The following USP34 variants were observed in gnomAD, a reference collection of about 807,000 sequenced individuals.
USP34 encodes ubiquitin carboxyl-terminal hydrolase 34.
USP34 carries 70 observed loss-of-function variants against 460.3 expected under a neutral mutation model. The observed-to-expected ratio is 0.15, with a 90% CI of 0.13 to 0.19. The LOEUF is 0.19. USP34 is among the 10% of genes least tolerant of loss of function. USP34 has a pLI of 1.00. For synonymous variants in USP34, 1,647 were observed against 1,405.3 expected, an observed-to-expected ratio of 1.17 and a Z score of -3.85; for missense variants, 3,985 against 4,236.2, an observed-to-expected ratio of 0.94 and a Z score of 1.65.
chr2:61,328,245 T>C (rs1469162643), intron 20 of USP34, among the ~76,000 whole-genome samples: 1 of 146,270 alleles, frequency 6.8e-6, no homozygotes, highest in Non-Finnish European at 1.5e-5. Context: ...GAGGTTACAG[T>C]GAGCTGAGAT....
intron 41 of USP34, among the ~76,000 whole-genome samples, chr2:61,275,034 T>G (rs562487746): frequency 2.0e-5 from 3 of 152,248 alleles, no homozygotes; most frequent in African/African-American, 7.2e-5. Flanking sequence ...CCTGGCACAT[T>G]AGGAGGCCAA....
chr2:61,238,370 A>G (rs959033881), intron 53 of USP34, among the ~76,000 whole-genome samples: 1 of 152,094 alleles, frequency 6.6e-6, no homozygotes, highest in African/African-American at 2.4e-5. Flanking sequence ...TCTTCACATG[A>G]TTACCTCTTC....
At chr2:61,315,490 T>C (rs1347066920) in intron 23 of USP34, among the ~76,000 whole-genome samples, 1 of 151,970 alleles carries the variant, frequency 6.6e-6, no homozygotes, top group Admixed American at 6.6e-5. Flanking sequence ...TCTCATGCCT[T>C]AGCCTCCTAA....
Position 61,278,274 on chromosome 2 carries a change from A to G in USP34, c.5324T>C (p.Leu1775Pro). The change falls in exon 41 of 80, where the codon CTT becomes CCT. Residue 1775 changes from leucine (L) to proline (P), a missense_variant. Leu to Pro is a moderately conservative substitution (Grantham distance 98). Around this residue, in one of 14 missense-constraint regions of USP34, gnomAD observed 1,114 missense variants for 1,122.5 expected, o/e 0.99. Coordinates refer to ENST00000398571, the MANE Select transcript of USP34 (RefSeq NM_014709.4). ...LADCIRSREI[L>P]DHQDGNVEDD... is the part of the protein sequence containing the mutation. ...TTCTACATTACCATCCTGATGATCAAGGATCTCCCTACTACAAAAAAGAAA... is the reference window on the plus strand; with the variant it reads ...TTCTACATTACCATCCTGATGATCAGGGATCTCCCTACTACAAAAAAGAAA... 6.2e-7 allele frequency: 1 copy of G among 1,613,696 alleles called. No individual in the cohort carries two copies. Among genetic ancestry groups the G allele is most frequent in the Non-Finnish European group, 8.5e-7 (1 of 1,179,828 alleles).
intron 48 of USP34, chr2:61,250,290 G>GA (rs1300054285): frequency 1.6e-5 from 3 of 184,216 alleles, no homozygotes; most frequent in African/African-American, 7.2e-5. Flanking sequence ...CATTTTGAAA[G>GA]AAAAACCTCA....
rs755265940 is a variant in USP34 at position 61,188,723 on chromosome 2, T to G, written c.10034-14A>C. 2 of 1,605,494 alleles carry G rather than the reference T, an allele frequency of 1.2e-6. No individual in the cohort carries two copies. Among genetic ancestry groups the G allele is most frequent in the East Asian group, 4.5e-5 (2 of 44,800 alleles). On this transcript the variant is annotated splice_polypyrimidine_tract_variant and intron_variant, in intron 79 of 79. Coordinates refer to ENST00000398571, the MANE Select transcript of USP34 (RefSeq NM_014709.4). ...CTCCTTCATCATCTGTGAAAACACATGCCAAAAGGGAAACTTCTCTGAAAG... is the reference window on the plus strand; with the variant it reads ...CTCCTTCATCATCTGTGAAAACACAGGCCAAAAGGGAAACTTCTCTGAAAG...
intron 32 of USP34, 43 bp from the exon 33 acceptor site, chr2:61,293,593 TATAATGCA>T (rs1558513759): frequency 1.4e-6 from 2 of 1,451,696 alleles, no homozygotes; most frequent in Non-Finnish European, 1.9e-6. Context: ...AAAGCAGATA[TATAATGCA>T]ATAATGCTTG....
chr2:61,430,200 G>C (rs1361737644), intron 1 of USP34, among the ~76,000 whole-genome samples: 11 of 147,230 alleles, frequency 7.5e-5, no homozygotes, highest in Admixed American at 1.4e-4. Flanking sequence ...GGGCGACAGA[G>C]CGAGTCTTCG....
chr2:61,468,531 G>C (rs1447746329), intron 1 of USP34, among the ~76,000 whole-genome samples: 1 of 152,188 alleles, frequency 6.6e-6, no homozygotes, highest in Non-Finnish European at 1.5e-5. Context: ...TTGTTTAAGA[G>C]TTAAACTTTT....
Position 61,304,647 on chromosome 2 carries a change from C to T in USP34, c.3818-3193G>A, listed in dbSNP as rs537703621. Among the ~76,000 whole-genome samples, 3 of 152,340 alleles carry T rather than the reference C, an allele frequency of 2.0e-5. No individual in the cohort carries two copies. In the South Asian group the frequency reaches 6.2e-4, roughly 32 times the overall value. The stretch of plus-strand genomic sequence containing the variant: ...TCTATGAGAAAGCTGTCACTTGACA[C>T]TGAATCTGCTGGCACCTTGATCTTG... On this transcript the variant is annotated intron_variant, in intron 27 of 79. Coordinates refer to ENST00000398571, the MANE Select transcript of USP34 (RefSeq NM_014709.4).
chr2:61,414,213 A>T (rs1008082899), intron 2 of USP34, among the ~76,000 whole-genome samples: 17 of 151,860 alleles, frequency 1.1e-4, no homozygotes, highest in African/African-American at 3.9e-4. Flanking sequence ...ATGCCACTGC[A>T]CTCCAGCCTG....
intron 10 of USP34, among the ~76,000 whole-genome samples, chr2:61,356,170 G>A (rs1572963649): frequency 7.6e-6 from 1 of 131,708 alleles, no homozygotes; most frequent in East Asian, 2.2e-4. Flanking sequence ...ATCAACAGAT[G>A]AATGAATTTA....
chr2:61,241,197 C>A (rs1240015763), intron 53 of USP34, among the ~76,000 whole-genome samples: 3 of 152,130 alleles, frequency 2.0e-5, no homozygotes, highest in South Asian at 2.1e-4. Context: ...GCGCCCACCA[C>A]CACGCTCGGC....
intron 1 of USP34, among the ~76,000 whole-genome samples, chr2:61,462,856 T>C (rs1289715560): frequency 8.5e-6 from 1 of 117,084 alleles, no homozygotes; most frequent in Non-Finnish European, 1.8e-5. Context: ...AGGGAAACTG[T>C]TTCCCAAAAA....
At chr2:61,322,556 G>T (rs1690958039) in intron 21 of USP34, among the ~76,000 whole-genome samples, 1 of 152,218 alleles carries the variant, frequency 6.6e-6, no homozygotes, top group Admixed American at 6.5e-5. Flanking sequence ...TCCAAACCCT[G>T]GGGTGGTGCC....
intron 3 of USP34, among the ~76,000 whole-genome samples, chr2:61,398,488 G>C (rs117568028): frequency 1.1e-4 from 13 of 119,392 alleles, no homozygotes; most frequent in Non-Finnish European, 1.6e-4. Flanking sequence ...AGGCGGAAGC[G>C]GGGGAAGGAG....
intron 21 of USP34, 81 bp downstream of exon 21, chr2:61,325,294 G>T: frequency 3.6e-6 from 3 of 829,056 alleles, no homozygotes; most frequent in Non-Finnish European, 3.6e-6. Flanking sequence ...AAAAAAAACT[G>T]CAGAAATCAG....
At chr2:61,318,379 C>G (rs986533544) in intron 22 of USP34, among the ~76,000 whole-genome samples, 10 of 151,950 alleles carry the variant, frequency 6.6e-5, no homozygotes, top group African/African-American at 2.4e-4. Context: ...GGTATAGCTA[C>G]AAGTACAGTT....
rs1695574457 is a variant in USP34 at position 61,460,746 on chromosome 2, A to G, written c.43+9904T>C. The stretch of plus-strand genomic sequence containing the variant: ...ATGCCTGTAATCCCAGTACTTTGGG[A>G]GGCCGAGGCAAGTGGATCACGAGTT... On this transcript the variant is annotated intron_variant, in intron 1 of 79. Transcript: ENST00000398571. Among the ~76,000 whole-genome samples, 5 of 152,282 alleles carry G rather than the reference A, an allele frequency of 3.3e-5. No homozygotes were observed. In the South Asian group the frequency reaches 1.0e-3, roughly 32 times the overall value.
Sources: allele counts gnomAD v4.1 joint callset (sites outside exome capture counted in the v4.1 genomes callset), GRCh38; gene constraint gnomAD v4.1.1; regional missense constraint gnomAD v4.1.1; transcripts MANE v1.5; gene names NCBI Gene and HGNC (gene_info 2026-07-23, HGNC 2026-07-21).